The following MAN1A1 variants were observed in gnomAD, a reference collection of about 807,000 sequenced individuals.
MAN1A1 encodes the protein mannosidase alpha class 1A member 1, also known as mannosyl-oligosaccharide 1,2-alpha-mannosidase IA.
In MAN1A1, 29 loss-of-function variants were observed where a neutral mutation model predicts 70.8. The ratio of observed to expected loss-of-function variants is 0.41; its 90% confidence interval spans 0.31 to 0.56. The LOEUF (loss-of-function observed/expected upper bound fraction) is 0.56. Among genes scored for constraint, MAN1A1 ranks in the 20% least tolerant of loss-of-function variants. The pLI is 0.29. For synonymous variants in MAN1A1, 349 were observed against 330.1 expected (o/e 1.06, Z -0.62); for missense variants, 747 against 841.3 (o/e 0.89, Z 1.39).
At chr6:119,187,750 T>C (rs1176200580) in intron 11 of MAN1A1, among the ~76,000 whole-genome samples, 1 of 152,222 alleles carries the variant, frequency 6.6e-6, no homozygotes. Context: ...CAGACATTGT[T>C]AGATGCATAT....
At chr6:119,184,579 G>C (rs991295685) in intron 11 of MAN1A1, among the ~76,000 whole-genome samples, 1 of 152,146 alleles carries the variant, frequency 6.6e-6, no homozygotes, top group East Asian at 1.9e-4. Context: ...AGCCTGAGGA[G>C]GCAGGAGTAG....
chr6:119,341,720 A>G lies in MAN1A1; in HGVS notation c.603+6743T>C, dbSNP rs147721477. ...TATAATTTTTGCCAAGCCTAAAATA[A>G]TAATTCTCACTTCTTAAAAACATTC... On this transcript the variant is annotated intron_variant, in intron 2 of 12. Transcript: ENST00000368468. 9.0e-3 allele frequency among the ~76,000 whole-genome samples: 1,377 copies of G among 152,322 alleles called. 10 individuals are homozygous for G. Among genetic ancestry groups the G allele is most frequent in the Middle Eastern group, 0.024 (7 of 294 alleles).
intron 5 of MAN1A1, among the ~76,000 whole-genome samples, chr6:119,254,982 G>A (rs777109580): frequency 1.2e-4 from 19 of 152,016 alleles, no homozygotes; most frequent in Non-Finnish European, 2.4e-4. Context: ...TTTGATCAAC[G>A]TTTTAAAAAC....
At chr6:119,278,273 C>T (rs6922274) in intron 5 of MAN1A1, among the ~76,000 whole-genome samples, 71,748 of 151,434 alleles carry the variant, frequency 0.47, 17,343 homozygotes, top group East Asian at 0.74. Context: ...CAGCTCTGTA[C>T]AGGTATAGAT....
Position 119,348,784 on chromosome 6 carries a change from G to A in MAN1A1, c.282C>T (p.Ala94=). ...ADHKPGPGAR[A]EDAAEGRARR... ...GGGCTCGCCCCTCGGCCGCGTCCTCGGCGCGCGCCCCGGGCCCGGGCTTGT... is the reference window on the plus strand; with the variant it reads ...GGGCTCGCCCCTCGGCCGCGTCCTCAGCGCGCGCCCCGGGCCCGGGCTTGT... Residue 94 remains alanine (A), a synonymous_variant, in exon 2 of 13, where the codon GCC becomes GCT. Coordinates refer to ENST00000368468, the MANE Select transcript of MAN1A1 (RefSeq NM_005907.4). The A allele has an allele frequency of 1.4e-6, 2 of 1,416,638 alleles. No individual in the cohort carries two copies. The highest frequency in any genetic ancestry group is 2.1e-4 in the Middle Eastern group (1 of 4,696). The allele number at this position is 1,416,638 out of a possible 1,614,324, so 87.8% of individuals were successfully genotyped here.
At position 119,178,638 on chromosome 6, in the gene MAN1A1, T is replaced by G. The variant is rs990524581; in HGVS notation, c.*1181A>C. 1 of 152,138 alleles carries G rather than the reference T, an allele frequency of 6.6e-6. No homozygotes were observed. 9.4% of individuals were successfully genotyped at this position (152,138 alleles called of 1,614,324 possible). On this transcript the variant is annotated 3_prime_UTR_variant, in exon 13 of 13. Coordinates refer to ENST00000368468, the MANE Select transcript of MAN1A1 (RefSeq NM_005907.4). ...GATGGGGAGTGGCCATTTCTTTATA[T>G]TTCTTCTAAGTTGTGATCTCTGTGT...
rs1053101101 is a variant in MAN1A1, at chr6:119,349,755, G to A, written c.-436C>T. Reference sequence around the variant, plus strand: ...ACGGTACACTCCGCCGCGGCCCCGCGAGCACTAATCTCACTGCCGGTCTTG... The same window carrying A: ...ACGGTACACTCCGCCGCGGCCCCGCAAGCACTAATCTCACTGCCGGTCTTG... On this transcript the variant is annotated 5_prime_UTR_variant, in exon 1 of 13. Transcript: ENST00000368468. 3.0e-6 allele frequency: 3 copies of A among 985,378 alleles called. No homozygotes were observed. Among genetic ancestry groups the A allele is most frequent in the African/African-American group, 1.7e-5 (1 of 57,246 alleles). The allele number at this position is 985,378 out of a possible 1,614,324, so 61.0% of individuals were successfully genotyped here.
chr6:119,313,704 A>T (rs1250340911), intron 2 of MAN1A1, among the ~76,000 whole-genome samples: 2 of 152,132 alleles, frequency 1.3e-5, no homozygotes, highest in African/African-American at 4.8e-5. Flanking sequence ...AATTTAACTG[A>T]AAGTGCTATA....
intron 2 of MAN1A1, among the ~76,000 whole-genome samples, chr6:119,342,674 G>A (rs1773627894): frequency 6.6e-6 from 1 of 152,188 alleles, no homozygotes; most frequent in African/African-American, 2.4e-5. Context: ...TCCCAAAAGA[G>A]AATCGCCAGA....
At chr6:119,323,734 T>G (rs1312295295) in intron 2 of MAN1A1, among the ~76,000 whole-genome samples, 1 of 152,168 alleles carries the variant, frequency 6.6e-6, no homozygotes, top group Non-Finnish European at 1.5e-5. Flanking sequence ...ACCACAAGAA[T>G]GAACAGAGTC....
chr6:119,350,549 T>G, upstream of MAN1A1: 1 of 985,442 alleles, frequency 1.0e-6, no homozygotes, highest in Non-Finnish European at 1.2e-6. Context: ...GGTCAAATTT[T>G]CCATTCGAAG....
At chr6:119,287,689 A>G (rs930295974) in intron 5 of MAN1A1, among the ~76,000 whole-genome samples, 31 of 151,968 alleles carry the variant, frequency 2.0e-4, no homozygotes, top group Non-Finnish European at 4.1e-4. Flanking sequence ...TATTTTTAGT[A>G]TGTATACAGA....
intron 2 of MAN1A1, among the ~76,000 whole-genome samples, chr6:119,345,943 T>C (rs558201758): frequency 1.1e-4 from 17 of 152,136 alleles, no homozygotes; most frequent in African/African-American, 2.7e-4. Flanking sequence ...CCGTCTCTAC[T>C]AAAAATACAA....
At chr6:119,319,390 AATC>A (rs759313732) in intron 2 of MAN1A1, among the ~76,000 whole-genome samples, 30 of 143,720 alleles carry the variant, frequency 2.1e-4, no homozygotes, top group Non-Finnish European at 3.6e-4. Context: ...TAATAATAAT[AATC>A]ATCATCATCA....
intron 2 of MAN1A1, among the ~76,000 whole-genome samples, chr6:119,323,420 AT>A (rs201279306): frequency 0.02 from 3,003 of 152,144 alleles, 27 homozygotes; most frequent in African/African-American, 0.026. Context: ...ACAATCTCAT[AT>A]TTTTTTTAAC....
At chr6:119,194,092 T>C (rs1328958236) in intron 8 of MAN1A1, among the ~76,000 whole-genome samples, 200 bp from the exon 9 acceptor site, 1 of 152,192 alleles carries the variant, frequency 6.6e-6, no homozygotes, top group Non-Finnish European at 1.5e-5. Context: ...ATACTCTAAA[T>C]AATTACCAGA....
chr6:119,185,854 T>G (rs973714772), intron 11 of MAN1A1, among the ~76,000 whole-genome samples: 8 of 151,192 alleles, frequency 5.3e-5, no homozygotes, highest in African/African-American at 1.9e-4. Context: ...GTTTTTTTTT[T>G]TTTTTTTTTT....
At chr6:119,307,871 T>A (rs1772575894) in intron 2 of MAN1A1, among the ~76,000 whole-genome samples, 1 of 152,142 alleles carries the variant, frequency 6.6e-6, no homozygotes, top group Admixed American at 6.5e-5. Flanking sequence ...TCACACAAAG[T>A]TATAGATATT....
intron 11 of MAN1A1, among the ~76,000 whole-genome samples, chr6:119,180,943 T>C (rs1272335200): frequency 1.3e-5 from 2 of 152,188 alleles, no homozygotes; most frequent in Non-Finnish European, 2.9e-5. Flanking sequence ...GGACCACATA[T>C]CTTACCTAAT....
Sources: allele counts gnomAD v4.1 joint callset (sites outside exome capture counted in the v4.1 genomes callset), GRCh38; gene constraint gnomAD v4.1.1; transcripts MANE v1.5; gene names NCBI Gene and HGNC (gene_info 2026-07-23, HGNC 2026-07-21).